Variants in SPHK1 observed in about 807,000 individuals in gnomAD.
SPHK1 encodes sphingosine kinase 1.
A neutral mutation model predicts 14.6 loss-of-function variants in SPHK1; 10 were observed. The observed-to-expected ratio is 0.68, with a 90% CI of 0.42 to 1.16. SPHK1 has a LOEUF of 1.16. SPHK1 is among the 50% of genes most tolerant of loss of function. SPHK1 has a pLI of 0.00. For missense variants in SPHK1, 553 were observed against 525.4 expected, an observed-to-expected ratio of 1.05 and a Z score of -0.51; for synonymous variants, 274 against 224.0, an observed-to-expected ratio of 1.22 and a Z score of -1.99.
rs143376530 is a variant in SPHK1 at position 76,387,563 on chromosome 17, C to T, written c.1132C>T (p.Pro378Ser). 374 of 1,599,330 alleles carry T rather than the reference C, an allele frequency of 2.3e-4. No individual in the cohort carries two copies. The highest frequency in any genetic ancestry group is 2.0e-3 in the Middle Eastern group (12 of 5,942). Residue 378 changes from proline (P) to serine (S), a missense_variant, in exon 6 of 6, where the codon CCA (proline) becomes TCA (serine). Physicochemically the swap from Pro to Ser is moderately conservative, Grantham distance 74. Coordinates refer to ENST00000592299, the MANE Select transcript of SPHK1 (RefSeq NM_001142601.2). The surrounding 1 kb of genome is among the most constrained non-coding windows in gnomAD (Gnocchi z 4.1). ...GCCCAGCTGGAAGCCCCAGCAGATGCCACCGCCAGAAGAGCCCTTATGACC... is the reference window on the plus strand; with the variant it reads ...GCCCAGCTGGAAGCCCCAGCAGATGTCACCGCCAGAAGAGCCCTTATGACC... ...PPPSWKPQQM[P>S]PPEEPL
In SPHK1 at chr17:76,387,020, T is replaced by C; in HGVS notation, c.589T>C (p.Phe197Leu). Residue 197 changes from phenylalanine (F) to leucine (L), a missense_variant, in exon 6 of 6, where the codon TTC becomes CTC. By Grantham distance (22) the Phe-to-Leu change is conservative. Coordinates refer to ENST00000592299, the MANE Select transcript of SPHK1 (RefSeq NM_001142601.2). The surrounding 1 kb of genome is among the most constrained non-coding windows in gnomAD (Gnocchi z 4.1). ...GGAGATGCGCTTCACTCTGGGCACC[T>C]TCCTGCGTCTGGCAGCCCTGCGCAC... Reference protein sequence around the residue: ...LGEMRFTLGTFLRLAALRTYR... With the variant: ...LGEMRFTLGTLLRLAALRTYR... The C allele has an allele frequency of 7.4e-6, 12 of 1,613,658 alleles. No individual in the cohort carries two copies. The highest frequency in any genetic ancestry group is 9.3e-6 in the Non-Finnish European group (11 of 1,179,998).
rs1489740105 is a variant in SPHK1 at position 76,384,930 on chromosome 17, G to A, written c.-195+124G>A. 4 of 637,818 alleles carry A rather than the reference G, an allele frequency of 6.3e-6. No individual in the cohort carries two copies. In the African/African-American group the frequency reaches 7.8e-5, roughly 12 times the overall value. The allele number at this position is 637,818 out of a possible 1,614,324, so 39.5% of individuals were successfully genotyped here. ...CAGGCGGCAGCTGGTGGCCCGGTTC[G>A]GGCTTGGCTTTGGCGCGACCCGGGA... On this transcript the variant is annotated intron_variant, in intron 1 of 5. Transcript: ENST00000592299.
Position 76,385,321 on chromosome 17 carries a change from A to C in SPHK1, c.-194-130A>C. The C allele has an allele frequency of 6.9e-7, 1 of 1,454,140 alleles. No homozygotes were observed. Among genetic ancestry groups the C allele is most frequent in the Non-Finnish European group, 9.1e-7 (1 of 1,104,272 alleles). 90.1% of individuals were successfully genotyped at this position (1,454,140 alleles called of 1,614,324 possible). A position where few individuals can be genotyped will look rare whatever the true frequency, so the allele number is the denominator to read the frequency against. On this transcript the variant is annotated intron_variant, in intron 1 of 5. Transcript: ENST00000592299. This position sits in a 1 kb window ranked among gnomAD's most constrained non-coding sequence, Gnocchi z 5.3. ...ACACGGCGGGGGCGCCCTCGGAGGCACCGGACCTCAGCTCTCTGGACTTCC... is the reference window on the plus strand; with the variant it reads ...ACACGGCGGGGGCGCCCTCGGAGGCCCCGGACCTCAGCTCTCTGGACTTCC...
At chr17:76,384,894 T>C (rs1430792551) in intron 1 of SPHK1, 88 bp downstream of exon 1, 3 of 481,800 alleles carry the variant, frequency 6.2e-6, no homozygotes, top group Non-Finnish European at 7.1e-6. Flanking sequence ...CACTTGTCGC[T>C]TGGGCGAGAG....
In SPHK1 at chr17:76,385,704, G is replaced by GC; in HGVS notation, c.10+52dup. On this transcript the variant is annotated intron_variant, in intron 2 of 5. Coordinates refer to ENST00000592299, the MANE Select transcript of SPHK1 (RefSeq NM_001142601.2). The surrounding 1 kb of genome is among the most constrained non-coding windows in gnomAD (Gnocchi z 5.3). ...GGCTGTAGGGGGATTCCTGTTCCTC[G>GC]CCAGGAATGATGGAACGCCCAGCTG... The GC allele has an allele frequency of 1.3e-6, 2 of 1,495,934 alleles. No homozygotes were observed. The highest frequency in any genetic ancestry group is 1.8e-6 in the Non-Finnish European group (2 of 1,113,200). The allele number at this position is 1,495,934 out of a possible 1,614,324, so 92.7% of individuals were successfully genotyped here. A position where few individuals can be genotyped will look rare whatever the true frequency, so the allele number is the denominator to read the frequency against.
At position 76,385,531 on chromosome 17, in the gene SPHK1, T is replaced by G. The variant is rs573437927; in HGVS notation, c.-114T>G. On this transcript the variant is annotated 5_prime_UTR_variant, in exon 2 of 6. Coordinates refer to ENST00000592299, the MANE Select transcript of SPHK1 (RefSeq NM_001142601.2). The surrounding 1 kb of genome is among the most constrained non-coding windows in gnomAD (Gnocchi z 5.3). ...GGAAGGCGAGCCCCACAGCCGGCCC[T>G]GCGACGCCCGCCTGGGCAGCACCGA... The G allele has an allele frequency of 4.2e-5, 65 of 1,540,626 alleles. No individual in the cohort carries two copies. The African/African-American group carries it at 7.8e-4, about 18-fold the overall frequency.
At position 76,387,562 on chromosome 17, in the gene SPHK1, G is replaced by A; in HGVS notation, c.1131G>A (p.Met377Ile). The change falls in exon 6 of 6, where the codon ATG becomes ATA. Residue 377 changes from methionine (M) to isoleucine (I), a missense_variant. Transcript: ENST00000592299. This position sits in a 1 kb window ranked among gnomAD's most constrained non-coding sequence, Gnocchi z 4.1. ...EPPPSWKPQQ[M>I]PPPEEPL The stretch of plus-strand genomic sequence containing the variant: ...CGCCCAGCTGGAAGCCCCAGCAGAT[G>A]CCACCGCCAGAAGAGCCCTTATGAC... The A allele has an allele frequency of 6.2e-7, 1 of 1,600,020 alleles. No individual in the cohort carries two copies. Among genetic ancestry groups the A allele is most frequent in the Non-Finnish European group, 8.5e-7 (1 of 1,175,254 alleles).
At position 76,387,594 on chromosome 17, in the gene SPHK1, G is replaced by T; in HGVS notation, c.*8G>T. On this transcript the variant is annotated 3_prime_UTR_variant, in exon 6 of 6. Coordinates refer to ENST00000592299, the MANE Select transcript of SPHK1 (RefSeq NM_001142601.2). This position sits in a 1 kb window ranked among gnomAD's most constrained non-coding sequence, Gnocchi z 4.1. ...CCAGAAGAGCCCTTATGACCCCTGG[G>T]CCGCGCTGTGCCTTAGTGTCTACTT... The T allele has an allele frequency of 6.4e-7, 1 of 1,567,788 alleles. No individual in the cohort carries two copies.
rs763386887 is a variant in SPHK1, at chr17:76,387,266, C to T, written c.835C>T (p.Arg279Cys). ...TGAGATGTTTGCTGCACCCATGGGC[C>T]GCTGTGCAGCTGGCGTCATGCATCT... ...GSEMFAAPMG[R>C]CAAGVMHLFY... The change falls in exon 6 of 6, where the codon CGC becomes TGC. Residue 279 changes from arginine (R) to cysteine (C), a missense_variant. Physicochemically the swap from Arg to Cys is radical, Grantham distance 180 (BLOSUM62 -3). Transcript: ENST00000592299. This position sits in a 1 kb window ranked among gnomAD's most constrained non-coding sequence, Gnocchi z 4.1. 1.9e-6 allele frequency: 3 copies of T among 1,613,294 alleles called. No individual in the cohort carries two copies. Among genetic ancestry groups the T allele is most frequent in the Non-Finnish European group, 2.5e-6 (3 of 1,179,968 alleles).
At position 76,386,646 on chromosome 17, in the gene SPHK1, C is replaced by T; in HGVS notation, c.374+138C>T. ...TAGTCCTGGGGCCCTCTCCTGGTGA[C>T]CCCAGCTGACTGCTTCCATTTGCTC... On this transcript the variant is annotated intron_variant, in intron 5 of 5. Coordinates refer to ENST00000592299, the MANE Select transcript of SPHK1 (RefSeq NM_001142601.2). This position sits in a 1 kb window ranked among gnomAD's most constrained non-coding sequence, Gnocchi z 5.3. The T allele has an allele frequency of 8.8e-7, 1 of 1,142,708 alleles. No homozygotes were observed. The highest frequency in any genetic ancestry group is 1.2e-6 in the Non-Finnish European group (1 of 817,178). The allele number at this position is 1,142,708 out of a possible 1,614,324, so 70.8% of individuals were successfully genotyped here. A position where few individuals can be genotyped will look rare whatever the true frequency, so the allele number is the denominator to read the frequency against.
At position 76,385,924 on chromosome 17, in the gene SPHK1, G is replaced by A. The variant is rs1413489334; in HGVS notation, c.11-61G>A. On this transcript the variant is annotated intron_variant, in intron 2 of 5. Coordinates refer to ENST00000592299, the MANE Select transcript of SPHK1 (RefSeq NM_001142601.2). This position sits in a 1 kb window ranked among gnomAD's most constrained non-coding sequence, Gnocchi z 5.3. ...CAAGTTCCCACACTAGTGCCCCATT[G>A]TTACCCGTGGCCCCCTAGTGGTCGG... is the stretch of plus-strand genomic sequence containing the variant. 2.5e-5 allele frequency: 38 copies of A among 1,541,136 alleles called. No individual in the cohort carries two copies. The highest frequency in any genetic ancestry group is 3.1e-5 in the Non-Finnish European group (35 of 1,140,638).
At position 76,385,143 on chromosome 17, in the gene SPHK1, C is replaced by G; in HGVS notation, c.-194-308C>G. The stretch of plus-strand genomic sequence containing the variant: ...GTTCTGGGATTTTTACGCAGCTGGA[C>G]TCCCCTCCCCCTGGCAGCCCCGAGG... On this transcript the variant is annotated intron_variant, in intron 1 of 5. Transcript: ENST00000592299. This position sits in a 1 kb window ranked among gnomAD's most constrained non-coding sequence, Gnocchi z 5.3. 6.3e-7 allele frequency: 1 copy of G among 1,594,192 alleles called. No homozygotes were observed. The highest frequency in any genetic ancestry group is 8.5e-7 in the Non-Finnish European group (1 of 1,171,650).
At position 76,385,939 on chromosome 17, in the gene SPHK1, C is replaced by T. The variant is rs1290339855; in HGVS notation, c.11-46C>T. 6.4e-7 allele frequency: 1 copy of T among 1,561,836 alleles called. No individual in the cohort carries two copies. The highest frequency in any genetic ancestry group is 1.2e-5 in the South Asian group (1 of 86,308). ...GTGCCCCATTGTTACCCGTGGCCCC[C>T]TAGTGGTCGGTTGCGGACGTGGCCT... On this transcript the variant is annotated intron_variant, in intron 2 of 5. Transcript: ENST00000592299. This position sits in a 1 kb window ranked among gnomAD's most constrained non-coding sequence, Gnocchi z 5.3.
At position 76,386,550 on chromosome 17, in the gene SPHK1, C is replaced by T; in HGVS notation, c.374+42C>T. 2 of 1,553,342 alleles carry T rather than the reference C, an allele frequency of 1.3e-6. No homozygotes were observed. Among genetic ancestry groups the T allele is most frequent in the Non-Finnish European group, 1.8e-6 (2 of 1,137,492 alleles). On this transcript the variant is annotated intron_variant, in intron 5 of 5. Transcript: ENST00000592299. This position sits in a 1 kb window ranked among gnomAD's most constrained non-coding sequence, Gnocchi z 5.3. ...AGAGTAGGCCTGTTTCCCGTCAGTG[C>T]TCCTCTACCGCGGGGGTTTTCTTGT...
rs1241087395 is a variant in SPHK1 at position 76,386,919 on chromosome 17, T to C, written c.488T>C (p.Leu163Pro). 6.2e-7 allele frequency: 1 copy of C among 1,613,100 alleles called. No homozygotes were observed. The highest frequency in any genetic ancestry group is 2.2e-5 in the East Asian group (1 of 44,852). Residue 163 changes from leucine (L) to proline (P), a missense_variant, in exon 6 of 6, where the codon CTC (leucine) becomes CCC (proline). Physicochemically the swap from Leu to Pro is moderately conservative, Grantham distance 98. Transcript: ENST00000592299. The surrounding 1 kb of genome is among the most constrained non-coding windows in gnomAD (Gnocchi z 5.3). The stretch of plus-strand genomic sequence containing the variant: ...CTGCACACGGCTTCGGGGCTGCGCC[T>C]CTTCTCTGTGCTCAGCCTGGCCTGG... ...LSLHTASGLR[L>P]FSVLSLAWGF...
At position 76,386,277 on chromosome 17, in the gene SPHK1, G is replaced by A. The variant is rs1196520446; in HGVS notation, c.220G>A (p.Ala74Thr). The change falls in exon 4 of 6, where the codon GCT becomes ACT. Residue 74 changes from alanine to threonine, a missense_variant. Ala to Thr is a moderately conservative substitution (Grantham distance 58). Coordinates refer to ENST00000592299, the MANE Select transcript of SPHK1 (RefSeq NM_001142601.2). This position sits in a 1 kb window ranked among gnomAD's most constrained non-coding sequence, Gnocchi z 5.3. ...GTCGGAGGAGCTGGGCCGCTGGGACGCTCTGGTGGTCATGTCTGGAGACGG... is the reference window on the plus strand; with the variant it reads ...GTCGGAGGAGCTGGGCCGCTGGGACACTCTGGTGGTCATGTCTGGAGACGG... ...VRSEELGRWDALVVMSGDGLM... is the reference protein window; with the variant it reads ...VRSEELGRWDTLVVMSGDGLM... The A allele has an allele frequency of 1.3e-6, 2 of 1,599,556 alleles. No homozygotes were observed. The highest frequency in any genetic ancestry group is 8.5e-7 in the Non-Finnish European group (1 of 1,177,920).
Position 76,385,947 on chromosome 17 carries a change from C to A in SPHK1, c.11-38C>A. 1 of 1,568,514 alleles carries A rather than the reference C, an allele frequency of 6.4e-7. No individual in the cohort carries two copies. The highest frequency in any genetic ancestry group is 1.1e-5 in the South Asian group (1 of 87,092). On this transcript the variant is annotated intron_variant, in intron 2 of 5. Coordinates refer to ENST00000592299, the MANE Select transcript of SPHK1 (RefSeq NM_001142601.2). The surrounding 1 kb of genome is among the most constrained non-coding windows in gnomAD (Gnocchi z 5.3). ...TTGTTACCCGTGGCCCCCTAGTGGT[C>A]GGTTGCGGACGTGGCCTCTTTGGTT... is the stretch of plus-strand genomic sequence containing the variant.
chr17:76,387,852 C>T lies in SPHK1; in HGVS notation c.*266C>T. On this transcript the variant is annotated 3_prime_UTR_variant, in exon 6 of 6. Transcript: ENST00000592299. The surrounding 1 kb of genome is among the most constrained non-coding windows in gnomAD (Gnocchi z 4.1). ...AACCAAATCCAAATAAAGTGACATT[C>T]CCAGCCTGCTCGTCCTGTCCTGGTG... 1 of 453,518 alleles carries T rather than the reference C, an allele frequency of 2.2e-6. No homozygotes were observed. 28.1% of individuals were successfully genotyped at this position (453,518 alleles called of 1,614,324 possible).
chr17:76,386,786 C>T lies in SPHK1; in HGVS notation c.375-20C>T, dbSNP rs768995735. ...CATGGGGGCTCCTGTCCTGCCTTAT[C>T]TGACTTTTTCCCCCTGCAGCTATGA... On this transcript the variant is annotated intron_variant, in intron 5 of 5. Transcript: ENST00000592299. The surrounding 1 kb of genome is among the most constrained non-coding windows in gnomAD (Gnocchi z 5.3). 5 of 1,527,230 alleles carry T rather than the reference C, an allele frequency of 3.3e-6. No homozygotes were observed. Among genetic ancestry groups the T allele is most frequent in the Non-Finnish European group, 4.4e-6 (5 of 1,137,648 alleles). The allele number at this position is 1,527,230 out of a possible 1,614,324, so 94.6% of individuals were successfully genotyped here. A position where few individuals can be genotyped will look rare whatever the true frequency, so the allele number is the denominator to read the frequency against.
Sources: allele counts gnomAD v4.1 joint callset, GRCh38; gene constraint gnomAD v4.1.1; non-coding constraint Gnocchi (gnomAD v3.1); transcripts MANE v1.5; gene names NCBI Gene and HGNC (gene_info 2026-07-23, HGNC 2026-07-21).